The following PRR7 variants were observed in gnomAD, a reference collection of about 807,000 sequenced individuals.
PRR7 encodes proline-rich protein 7.
A neutral mutation model predicts 18.5 loss-of-function variants in PRR7; 8 were observed. The ratio of observed to expected loss-of-function variants is 0.43; its 90% CI spans 0.25 to 0.78. The LOEUF (loss-of-function observed/expected upper bound fraction) is 0.78, where lower values mean the gene tolerates loss of function less well. PRR7 is among the 30% of genes least tolerant of loss of function. The pLI, the probability that PRR7 is intolerant of heterozygous loss-of-function variation, is 0.22. For missense variants in PRR7, 396 were observed against 403.1 expected, an observed-to-expected ratio of 0.98 and a Z score of 0.15; for synonymous variants, 221 against 187.7, an observed-to-expected ratio of 1.18 and a Z score of -1.45.
rs953628575 is a variant in PRR7, at chr5:177,450,321, G to A, written c.-325+3361G>A. On this transcript the variant is annotated intron_variant, in intron 1 of 3. Coordinates refer to ENST00000323249, the MANE Select transcript of PRR7 (RefSeq NM_030567.5). This position sits in a 1 kb window ranked among gnomAD's most constrained non-coding sequence, Gnocchi z 6.6. ...CGGGATTTTCCATCCCCACCCCCCA[G>A]AGCCCTGGTGTGTGCCTCCGTACAG... Among the ~76,000 whole-genome samples the A allele has an allele frequency of 7.9e-5, 12 of 152,230 alleles. No homozygotes were observed. The East Asian group carries it at 9.6e-4, about 12-fold the overall frequency.
At position 177,456,127 on chromosome 5, in the gene PRR7, C is replaced by G; in HGVS notation, c.*6C>G. On this transcript the variant is annotated 3_prime_UTR_variant, in exon 4 of 4. Transcript: ENST00000323249. The stretch of plus-strand genomic sequence containing the variant: ...GGAGGACTACAGCCGTATAGAGGGG[C>G]GCCCGGCGCCCCGGGCCCCACCGGC... The G allele has an allele frequency of 7.0e-7, 1 of 1,425,958 alleles. No homozygotes were observed. The highest frequency in any genetic ancestry group is 9.1e-7 in the Non-Finnish European group (1 of 1,098,002). The allele number at this position is 1,425,958 out of a possible 1,614,324, so 88.3% of individuals were successfully genotyped here.
In PRR7 at chr5:177,456,135, G is replaced by C; in HGVS notation, c.*14G>C. On this transcript the variant is annotated 3_prime_UTR_variant, in exon 4 of 4. Transcript: ENST00000323249. Reference sequence around the variant, plus strand: ...ACAGCCGTATAGAGGGGCGCCCGGCGCCCCGGGCCCCACCGGCGGACTCCT... The same window carrying C: ...ACAGCCGTATAGAGGGGCGCCCGGCCCCCCGGGCCCCACCGGCGGACTCCT... 16 of 1,376,226 alleles carry C rather than the reference G, an allele frequency of 1.2e-5. No homozygotes were observed. Among genetic ancestry groups the C allele is most frequent in the Middle Eastern group, 2.7e-4 (1 of 3,684 alleles). 85.3% of individuals were successfully genotyped at this position (1,376,226 alleles called of 1,614,324 possible).
At chr5:177,447,411 C>A (rs543848176) in intron 1 of PRR7, among the ~76,000 whole-genome samples, 1 of 152,268 alleles carries the variant, frequency 6.6e-6, no homozygotes, top group South Asian at 2.1e-4. Context: ...GCCGTGGGCA[C>A]GAGCTGGCTC....
chr5:177,454,232 GC>G lies in PRR7; in HGVS notation c.-240+193del, dbSNP rs1235922044. On this transcript the variant is annotated intron_variant, in intron 2 of 3. Transcript: ENST00000323249. This position sits in a 1 kb window ranked among gnomAD's most constrained non-coding sequence, Gnocchi z 4.7. ...GAGAGTGTGGCCCACGCCCGGCGCG[GC>G]GCGCTAGGCTCAGACAAAGGCAGGG... Among the ~76,000 whole-genome samples, 2 of 152,306 alleles carry G rather than the reference GC, an allele frequency of 1.3e-5. No homozygotes were observed. Among genetic ancestry groups the G allele is most frequent in the East Asian group, 3.9e-4 (2 of 5,158 alleles).
chr5:177,447,260 T>TCCCTCCC (rs938044244), intron 1 of PRR7, among the ~76,000 whole-genome samples: 1 of 151,334 alleles, frequency 6.6e-6, no homozygotes, highest in Non-Finnish European at 1.5e-5. Context: ...CCCCTCCCCC[T>TCCCTCCC]CCCTCCCCCC....
At chr5:177,453,255 C>T (rs550082217) in intron 1 of PRR7, among the ~76,000 whole-genome samples, 4 of 152,232 alleles carry the variant, frequency 2.6e-5, no homozygotes, top group Non-Finnish European at 5.9e-5. Flanking sequence ...TCCTGCCTGG[C>T]AGACCGGGGG....
intron 1 of PRR7, among the ~76,000 whole-genome samples, chr5:177,448,140 G>A (rs1755988553): frequency 6.6e-6 from 1 of 152,240 alleles, no homozygotes; most frequent in Non-Finnish European, 1.5e-5. Context: ...TTCAGATCCA[G>A]GATCCCAGCG....
rs754358432 is a variant in PRR7 at position 177,455,392 on chromosome 5, CCGCACGCGCACG to C, written c.331_342del (p.Ala111_His114del). On this transcript the variant is annotated inframe_deletion, in exon 3 of 4. Transcript: ENST00000323249. The surrounding 1 kb of genome is among the most constrained non-coding windows in gnomAD (Gnocchi z 6.9). The stretch of plus-strand genomic sequence containing the variant: ...GCTGCTGCACCACGGGCCCGCGCAG[CCGCACGCGCACG>C]CGCACCCACACCCGCACCACCACGC... 6.7e-7 allele frequency: 1 copy of C among 1,494,712 alleles called. No individual in the cohort carries two copies. The highest frequency in any genetic ancestry group is 1.2e-5 in the South Asian group (1 of 80,062). The allele number at this position is 1,494,712 out of a possible 1,614,324, so 92.6% of individuals were successfully genotyped here. A position where few individuals can be genotyped will look rare whatever the true frequency, so the allele number is the denominator to read the frequency against.
In PRR7 at chr5:177,455,997, A is replaced by C. The variant is rs1400975870; in HGVS notation, c.701A>C (p.Asp234Ala). Residue 234 changes from aspartate (D) to alanine (A), a missense_variant, in exon 4 of 4, where the codon GAC (aspartate) becomes GCC (alanine). By Grantham distance (126) the Asp-to-Ala change is moderately radical. Coordinates refer to ENST00000323249, the MANE Select transcript of PRR7 (RefSeq NM_030567.5). This position sits in a 1 kb window ranked among gnomAD's most constrained non-coding sequence, Gnocchi z 6.9. ...PPCPALCLQA[D>A]RGRRVFPSWT... is the part of the protein sequence containing the mutation. ...TGCCCAGCCCTCTGCCTGCAGGCCG[A>C]CCGTGGCCGCCGGGTCTTCCCCAGC... The C allele has an allele frequency of 6.3e-7, 1 of 1,583,220 alleles. No individual in the cohort carries two copies. The highest frequency in any genetic ancestry group is 8.5e-7 in the Non-Finnish European group (1 of 1,169,688).
intron 1 of PRR7, among the ~76,000 whole-genome samples, 169 bp from the exon 2 acceptor site, chr5:177,453,787 A>G (rs1026437440): frequency 6.6e-6 from 1 of 151,978 alleles, no homozygotes. Flanking sequence ...TGTTCCCCCA[A>G]CTCCTCGTCT....
Position 177,455,087 on chromosome 5 carries a change from C to G in PRR7, c.20C>G (p.Thr7Ser). 1 of 1,491,000 alleles carries G rather than the reference C, an allele frequency of 6.7e-7. No individual in the cohort carries two copies. Among genetic ancestry groups the G allele is most frequent in the Non-Finnish European group, 8.9e-7 (1 of 1,119,776 alleles). The allele number at this position is 1,491,000 out of a possible 1,614,324, so 92.4% of individuals were successfully genotyped here. A position where few individuals can be genotyped will look rare whatever the true frequency, so the allele number is the denominator to read the frequency against. MVMSQG[T>S]YTFLTCFAGF... ...GCCGCCATGGTGATGTCCCAGGGCA[C>G]CTACACGTTCCTCACGTGCTTCGCC... The change falls in exon 3 of 4, where the codon ACC (threonine) becomes AGC (serine). Residue 7 changes from threonine (T) to serine (S), a missense_variant. Physicochemically the swap from Thr to Ser is moderately conservative, Grantham distance 58. Coordinates refer to ENST00000323249, the MANE Select transcript of PRR7 (RefSeq NM_030567.5). The surrounding 1 kb of genome is among the most constrained non-coding windows in gnomAD (Gnocchi z 6.9).
At chr5:177,448,382 AT>A (rs945817586) in intron 1 of PRR7, 8 of 151,514 alleles carry the variant, frequency 5.3e-5, no homozygotes, top group Admixed American at 3.3e-4. Context: ...TTATCTCCTA[AT>A]TTTTTTTTAC....
At position 177,454,486 on chromosome 5, in the gene PRR7, T is replaced by G. The variant is rs1453293274; in HGVS notation, c.-239-343T>G. On this transcript the variant is annotated intron_variant, in intron 2 of 3. Transcript: ENST00000323249. This position sits in a 1 kb window ranked among gnomAD's most constrained non-coding sequence, Gnocchi z 4.7. ...CCGAGACGCCTCTTCAGGGACCTGG[T>G]GCGCACAGGCTCCTGAAACCCTTTG... Among the ~76,000 whole-genome samples, 2 of 152,144 alleles carry G rather than the reference T, an allele frequency of 1.3e-5. No individual in the cohort carries two copies. Among genetic ancestry groups the G allele is most frequent in the East Asian group, 3.9e-4 (2 of 5,170 alleles).
intron 1 of PRR7, chr5:177,448,494 T>A (rs1756018548): frequency 6.6e-6 from 1 of 152,248 alleles, no homozygotes; most frequent in Admixed American, 6.5e-5. Context: ...ACACTACCAG[T>A]AAGTGGCAGA....
chr5:177,455,328 G>A lies in PRR7; in HGVS notation c.261G>A (p.Pro87=), dbSNP rs2127389022. The change falls in exon 3 of 4, where the codon CCG becomes CCA. Residue 87 remains proline (P), a synonymous_variant. Coordinates refer to ENST00000323249, the MANE Select transcript of PRR7 (RefSeq NM_030567.5). The surrounding 1 kb of genome is among the most constrained non-coding windows in gnomAD (Gnocchi z 6.9). ...CACACCGTAGCCGCCTGGAGGCGCC[G>A]GCTCACGCGCACTCGCATCCGCACG... The part of the protein sequence containing the change: ...PPPHRSRLEA[P]AHAHSHPHVH... 1.3e-6 allele frequency: 2 copies of A among 1,485,460 alleles called. No individual in the cohort carries two copies. Among genetic ancestry groups the A allele is most frequent in the Non-Finnish European group, 1.8e-6 (2 of 1,127,226 alleles). The allele number at this position is 1,485,460 out of a possible 1,614,324, so 92.0% of individuals were successfully genotyped here. A position where few individuals can be genotyped will look rare whatever the true frequency, so the allele number is the denominator to read the frequency against.
In PRR7 at chr5:177,456,214, G is replaced by T; in HGVS notation, c.*93G>T. 7.7e-6 allele frequency: 4 copies of T among 522,774 alleles called. No individual in the cohort carries two copies. The highest frequency in any genetic ancestry group is 1.3e-5 in the Non-Finnish European group (4 of 307,818). The allele number at this position is 522,774 out of a possible 1,614,324, so 32.4% of individuals were successfully genotyped here. On this transcript the variant is annotated 3_prime_UTR_variant, in exon 4 of 4. Coordinates refer to ENST00000323249, the MANE Select transcript of PRR7 (RefSeq NM_030567.5). ...TCCCTGGACTGCGGGGAGGGGCGGG[G>T]GGAGGGAGGGATTTCTTATCCCGTT...
Position 177,454,368 on chromosome 5 carries a change from C to T in PRR7, c.-240+328C>T, listed in dbSNP as rs1756293965. ...CCAGTTGTTCCGGGCTTTGGGCAGC[C>T]AGGGGCTGCCAGGCGTCTGTACAGG... On this transcript the variant is annotated intron_variant, in intron 2 of 3. Coordinates refer to ENST00000323249, the MANE Select transcript of PRR7 (RefSeq NM_030567.5). This position sits in a 1 kb window ranked among gnomAD's most constrained non-coding sequence, Gnocchi z 4.7. 6.6e-6 allele frequency among the ~76,000 whole-genome samples: 1 copy of T among 152,160 alleles called. No individual in the cohort carries two copies. The highest frequency in any genetic ancestry group is 1.5e-5 in the Non-Finnish European group (1 of 68,002).
At position 177,456,245 on chromosome 5, in the gene PRR7, C is replaced by A; in HGVS notation, c.*124C>A. 2 of 1,218,900 alleles carry A rather than the reference C, an allele frequency of 1.6e-6. No individual in the cohort carries two copies. The highest frequency in any genetic ancestry group is 2.2e-6 in the Non-Finnish European group (2 of 921,650). 75.5% of individuals were successfully genotyped at this position (1,218,900 alleles called of 1,614,324 possible). On this transcript the variant is annotated 3_prime_UTR_variant, in exon 4 of 4. Transcript: ENST00000323249. The stretch of plus-strand genomic sequence containing the variant: ...GAGGGATTTCTTATCCCGTTTGTTA[C>A]ATTTTGAGGATAATAAAGGTGTGTG...
At position 177,451,838 on chromosome 5, in the gene PRR7, C is replaced by T. The variant is rs927222324; in HGVS notation, c.-324-2118C>T. ...TCGAAGAGTGAGTGTGGAGCCCACC[C>T]TCAGGCAGGGAGCACCCTGGGGACA... On this transcript the variant is annotated intron_variant, in intron 1 of 3. Coordinates refer to ENST00000323249, the MANE Select transcript of PRR7 (RefSeq NM_030567.5). Among the ~76,000 whole-genome samples, 3 of 152,080 alleles carry T rather than the reference C, an allele frequency of 2.0e-5. No homozygotes were observed. The South Asian group carries it at 6.2e-4, about 32-fold the overall frequency.
Sources: gnomAD v4.1 joint callset for allele counts (sites outside exome capture counted in the v4.1 genomes callset) on GRCh38, gnomAD v4.1.1 for gene constraint, Gnocchi (gnomAD v3.1) non-coding constraint, MANE v1.5 for transcripts, NCBI Gene and HGNC (gene_info 2026-07-23, HGNC 2026-07-21) for gene names.